Variants in IL1RAPL1 observed in about 807,000 individuals in gnomAD.
IL1RAPL1 encodes interleukin-1 receptor accessory protein-like 1.
A neutral mutation model predicts 48.4 loss-of-function variants in IL1RAPL1; 3 were observed. That is an observed-to-expected ratio of 0.06 (90% CI 0.03 to 0.16). The LOEUF is 0.16. IL1RAPL1 is among the 10% of genes least tolerant of loss of function. The pLI is 1.00. For missense variants in IL1RAPL1, 349 were observed against 530.6 expected (o/e 0.66, Z 3.36); for synonymous variants, 185 against 187.7 (o/e 0.99, Z 0.12).
intron 6 of IL1RAPL1, among the ~76,000 whole-genome samples, chrX:29,742,297 G>A (rs1569158152): frequency 8.9e-6 from 1 of 111,785 alleles, no homozygotes. Flanking sequence ...AAATGAATTT[G>A]TAATGACTAC....
At chrX:29,202,974 A>G (rs1156556036) in intron 2 of IL1RAPL1, among the ~76,000 whole-genome samples, 3 of 111,640 alleles carry the variant, frequency 2.7e-5, no homozygotes, top group African/African-American at 9.8e-5. Context: ...ATTTACCTAT[A>G]TAACAAACCT....
intron 6 of IL1RAPL1, among the ~76,000 whole-genome samples, chrX:29,707,008 G>T (rs1326186172): frequency 8.9e-6 from 1 of 111,732 alleles, no homozygotes; most frequent in Non-Finnish European, 1.9e-5. Context: ...CAGACAACCC[G>T]CAGAGTGGGA....
intron 2 of IL1RAPL1, among the ~76,000 whole-genome samples, chrX:29,224,222 G>A (rs1931037155): frequency 9.0e-6 from 1 of 110,903 alleles, no homozygotes; most frequent in Non-Finnish European, 1.9e-5. Flanking sequence ...TTAGCATTTA[G>A]TAAGGTGGTA....
intron 5 of IL1RAPL1, among the ~76,000 whole-genome samples, chrX:29,561,061 C>A (rs1381337459): frequency 8.9e-6 from 1 of 111,943 alleles, no homozygotes; most frequent in African/African-American, 3.3e-5. Flanking sequence ...TCTCGCAGAC[C>A]TTTACTATGG....
At chrX:29,867,392 A>C (rs969016105) in intron 6 of IL1RAPL1, among the ~76,000 whole-genome samples, 1 of 111,714 alleles carries the variant, frequency 9.0e-6, no homozygotes, top group Non-Finnish European at 1.9e-5. Context: ...ATAAAGATAG[A>C]ACCTTCATGA....
At chrX:29,884,332 G>A (rs192575875) in intron 6 of IL1RAPL1, among the ~76,000 whole-genome samples, 87 of 110,623 alleles carry the variant, frequency 7.9e-4, no homozygotes, top group Non-Finnish European at 1.2e-3. Context: ...TAGTTAATGT[G>A]CCATCCTCAT....
At chrX:28,813,017 C>T (rs1449544510) in intron 2 of IL1RAPL1, among the ~76,000 whole-genome samples, 1 of 110,520 alleles carries the variant, frequency 9.0e-6, no homozygotes, top group Non-Finnish European at 1.9e-5. Flanking sequence ...TTCTATATCC[C>T]GAGCATCTCA....
At chrX:29,562,899 A>G (rs1239196372) in intron 5 of IL1RAPL1, among the ~76,000 whole-genome samples, 3 of 111,933 alleles carry the variant, frequency 2.7e-5, no homozygotes, top group East Asian at 5.6e-4. Context: ...ATAGAACATG[A>G]CAAAGAGAGC....
chrX:28,622,888 C>A (rs1400711180), intron 1 of IL1RAPL1, among the ~76,000 whole-genome samples: 1 of 111,578 alleles, frequency 9.0e-6, no homozygotes, highest in African/African-American at 3.3e-5. Context: ...TTTAATATCT[C>A]CCCAAAGCCA....
At chrX:29,066,501 A>G (rs1234445302) in intron 2 of IL1RAPL1, among the ~76,000 whole-genome samples, 1 of 112,341 alleles carries the variant, frequency 8.9e-6, no homozygotes, top group Admixed American at 9.5e-5. Flanking sequence ...GTTAAACTCA[A>G]GCCCCTTTGG....
intron 8 of IL1RAPL1, among the ~76,000 whole-genome samples, chrX:29,927,101 A>C (rs1195845468): frequency 8.9e-6 from 1 of 112,072 alleles, no homozygotes; most frequent in Admixed American, 9.5e-5. Flanking sequence ...CAAACTTTAC[A>C]GTATGCACAA....
At chrX:29,230,502 A>C (rs1179095525) in intron 2 of IL1RAPL1, among the ~76,000 whole-genome samples, 1 of 76,745 alleles carries the variant, frequency 1.3e-5, no homozygotes, top group African/African-American at 5.0e-5. Flanking sequence ...TGGTCCCTTT[A>C]CCAAAAAAAA....
chrX:29,898,802 A>T (rs1200731007), intron 6 of IL1RAPL1, among the ~76,000 whole-genome samples: 1 of 112,128 alleles, frequency 8.9e-6, no homozygotes, highest in Non-Finnish European at 1.9e-5. Flanking sequence ...CCACTTAGAG[A>T]GTTGCTAGTA....
At chrX:28,850,725 C>T (rs1029057750) in intron 2 of IL1RAPL1, among the ~76,000 whole-genome samples, 1 of 109,915 alleles carries the variant, frequency 9.1e-6, no homozygotes, top group East Asian at 2.9e-4. Flanking sequence ...TTACCACATG[C>T]AAAAAAGATG....
intron 1 of IL1RAPL1, among the ~76,000 whole-genome samples, chrX:28,778,114 C>T (rs1197764700): frequency 9.0e-6 from 1 of 111,618 alleles, no homozygotes; most frequent in Non-Finnish European, 1.9e-5. Flanking sequence ...GCTTTTCTCC[C>T]ATTATCTTAC....
intron 2 of IL1RAPL1, among the ~76,000 whole-genome samples, chrX:28,863,862 C>A (rs1182877587): frequency 9.0e-6 from 1 of 111,565 alleles, no homozygotes; most frequent in Non-Finnish European, 1.9e-5. Context: ...CTTTAAACTT[C>A]TAACCATTTC....
intron 5 of IL1RAPL1, among the ~76,000 whole-genome samples, chrX:29,459,680 A>G (rs1447715435): frequency 8.9e-6 from 1 of 111,996 alleles, no homozygotes; most frequent in East Asian, 2.8e-4. Flanking sequence ...TGTGTACAAC[A>G]TGTTTTGAAA....
chrX:29,688,311 G>C (rs1465305632), intron 6 of IL1RAPL1, among the ~76,000 whole-genome samples: 1 of 110,876 alleles, frequency 9.0e-6, no homozygotes, highest in Non-Finnish European at 1.9e-5. Context: ...TACATTATTT[G>C]TCTTGCGGCC....
rs761252956 is a variant in IL1RAPL1, at chrX:28,645,395, G to A, written c.-25+57348G>A. ...AAAAGGAAAAGAAAGAGAGAGGGAG[G>A]TAGAAATGAAAGGGTCTATTCAGAG... On this transcript the variant is annotated intron_variant, in intron 1 of 10. Transcript: ENST00000378993. 3.8e-5 allele frequency among the ~76,000 whole-genome samples: 4 copies of A among 104,745 alleles called. No individual in the cohort carries two copies. The East Asian group carries it at 1.2e-3, about 31-fold the overall frequency. 91.0% of individuals were successfully genotyped at this position (104,745 alleles called of 115,157 possible). A position where few individuals can be genotyped will look rare whatever the true frequency, so the allele number is the denominator to read the frequency against.
Sources: gnomAD v4.1 joint callset for allele counts (sites outside exome capture counted in the v4.1 genomes callset) on GRCh38, gnomAD v4.1.1 for gene constraint, MANE v1.5 for transcripts, NCBI Gene and HGNC (gene_info 2026-07-23, HGNC 2026-07-21) for gene names.